Variants in STARD8 observed in about 807,000 individuals in gnomAD.
STARD8 encodes StAR related lipid transfer domain containing 8, also known as stAR-related lipid transfer protein 8.
A neutral mutation model predicts 69.4 loss-of-function variants in STARD8; 25 were observed. That is an observed-to-expected ratio of 0.36 (90% confidence interval 0.26 to 0.50). The LOEUF (loss-of-function observed/expected upper bound fraction) is 0.50, where lower values mean the gene tolerates loss of function less well. Among genes scored for constraint, STARD8 ranks in the 20% least tolerant of loss-of-function variants. The pLI is 0.96. For synonymous variants in STARD8, 389 were observed against 374.6 expected (o/e 1.04, Z -0.45); for missense variants, 921 against 932.5 (o/e 0.99, Z 0.16).
intron 2 of STARD8, among the ~76,000 whole-genome samples, chrX:68,686,385 C>A (rs1014475453): frequency 1.8e-5 from 2 of 112,914 alleles, no homozygotes; most frequent in African/African-American, 6.4e-5. Flanking sequence ...CACTCCGGCT[C>A]GCCAGCTCGC....
chrX:68,652,014 A>ATT (rs376303482), intron 1 of STARD8, among the ~76,000 whole-genome samples: 9 of 97,874 alleles, frequency 9.2e-5, no homozygotes, highest in African/African-American at 1.5e-4. Context: ...CGCCCAGCTA[A>ATT]TTTTTTTTTT....
chrX:68,657,999 G>A (rs988705052), intron 1 of STARD8, among the ~76,000 whole-genome samples: 5 of 110,790 alleles, frequency 4.5e-5, no homozygotes, highest in Non-Finnish European at 7.5e-5. Context: ...TACTTCCTAT[G>A]GCTATGGTGG....
chrX:68,723,597 GC>G, intron 12 of STARD8, 28 bp from the exon 13 acceptor site: 1 of 1,141,461 alleles, frequency 8.8e-7, no homozygotes. Context: ...CCTGACAGCT[GC>G]CCCCATCCCC....
intron 2 of STARD8, among the ~76,000 whole-genome samples, chrX:68,694,921 G>A (rs761710194): frequency 1.8e-5 from 2 of 110,883 alleles, no homozygotes; most frequent in Admixed American, 9.6e-5. Context: ...CAGAGATTGG[G>A]CTGGCTTGGA....
intron 2 of STARD8, among the ~76,000 whole-genome samples, chrX:68,668,278 T>TTCTTTCTTTCTTTCTTTC (rs2079704997): frequency 8.4e-5 from 5 of 59,720 alleles, no homozygotes; most frequent in East Asian, 4.4e-4. Context: ...TTCTTTCTCT[T>TTCTTTCTTTCTTTCTTTC]TCTTTCTTTC....
At chrX:68,724,245 C>G in intron 14 of STARD8, 60 bp from the exon 15 acceptor site, 1 of 1,183,212 alleles carries the variant, frequency 8.5e-7, no homozygotes, top group Non-Finnish European at 1.1e-6. Flanking sequence ...CTTCCTTCTC[C>G]CTGGTGAGGG....
intron 2 of STARD8, among the ~76,000 whole-genome samples, chrX:68,700,073 A>T (rs150319737): frequency 0.024 from 2,720 of 111,146 alleles, 86 homozygotes; most frequent in African/African-American, 0.084. Flanking sequence ...GGGTGGAGGG[A>T]AGGGGATATT....
At chrX:68,699,030 G>A (rs1298776487) in intron 2 of STARD8, among the ~76,000 whole-genome samples, 2 of 112,040 alleles carry the variant, frequency 1.8e-5, no homozygotes, top group African/African-American at 6.5e-5. Flanking sequence ...TTGTGCTTGG[G>A]CATTTCTGCA....
chrX:68,723,013 C>T (rs180765570), intron 12 of STARD8, among the ~76,000 whole-genome samples: 53 of 112,525 alleles, frequency 4.7e-4, no homozygotes, highest in Admixed American at 1.6e-3. Flanking sequence ...CCAAGCATTA[C>T]GTCTCCCGAG....
At chrX:68,679,877 T>TAA (rs2079790457) in intron 2 of STARD8, among the ~76,000 whole-genome samples, 1 of 111,942 alleles carries the variant, frequency 8.9e-6, no homozygotes, top group Non-Finnish European at 1.9e-5. Flanking sequence ...CCTCCAGGGT[T>TAA]CTGGGATGGC....
chrX:68,692,823 A>G (rs373094302), intron 2 of STARD8, among the ~76,000 whole-genome samples: 4 of 109,651 alleles, frequency 3.6e-5, no homozygotes, highest in African/African-American at 1.4e-4. Flanking sequence ...AGTCATGCTT[A>G]AAGTCTGCTC....
intron 14 of STARD8, 34 bp downstream of exon 14, chrX:68,724,155 T>C: frequency 8.4e-7 from 1 of 1,197,500 alleles, no homozygotes; most frequent in Non-Finnish European, 1.1e-6. Flanking sequence ...TCGACCCCCT[T>C]GGCCTTGACC....
intron 2 of STARD8, among the ~76,000 whole-genome samples, chrX:68,681,745 G>A (rs1045514404): frequency 1.8e-5 from 2 of 111,637 alleles, no homozygotes; most frequent in Admixed American, 9.5e-5. Flanking sequence ...ATGCCTCATC[G>A]GCCCAATGGC....
chrX:68,695,445 C>T (rs1182881320), intron 2 of STARD8, among the ~76,000 whole-genome samples: 2 of 111,403 alleles, frequency 1.8e-5, no homozygotes, highest in Non-Finnish European at 3.8e-5. Flanking sequence ...ATATTTAGTG[C>T]TAGGAAACAC....
At chrX:68,680,637 G>C (rs184763733) in intron 2 of STARD8, among the ~76,000 whole-genome samples, 3 of 112,123 alleles carry the variant, frequency 2.7e-5, no homozygotes, top group Non-Finnish European at 3.8e-5. Flanking sequence ...ATGTGTTACT[G>C]TGTGTTGGTG....
At chrX:68,715,617 A>G (rs2080085756) in intron 4 of STARD8, among the ~76,000 whole-genome samples, 1 of 112,027 alleles carries the variant, frequency 8.9e-6, no homozygotes, top group Non-Finnish European at 1.9e-5. Flanking sequence ...ATAGCCCCCA[A>G]ATATTCCTCT....
At position 68,654,752 on chromosome X, in the gene STARD8, C is replaced by A. The variant is rs146924083; in HGVS notation, c.45+6825C>A. On this transcript the variant is annotated intron_variant, in intron 1 of 14. Coordinates refer to ENST00000374599, the MANE Select transcript of STARD8 (RefSeq NM_001142503.3). ...ATTCATGCACACACACACACACACT[C>A]GCAAGTGAGGTGAGCATGCATCCTC... 7.0e-4 allele frequency among the ~76,000 whole-genome samples: 78 copies of A among 111,702 alleles called. 2 individuals carry two copies. The highest frequency in any genetic ancestry group is 6.0e-3 in the South Asian group (16 of 2,654).
chrX:68,710,271 A>G (rs1434135431), intron 2 of STARD8, among the ~76,000 whole-genome samples: 1 of 112,580 alleles, frequency 8.9e-6, no homozygotes, highest in African/African-American at 3.2e-5. Context: ...CAATTAAGCC[A>G]GCCTTCTGGG....
chrX:68,667,280 C>A (rs1297807329), intron 2 of STARD8, among the ~76,000 whole-genome samples: 1 of 111,834 alleles, frequency 8.9e-6, no homozygotes, highest in Non-Finnish European at 1.9e-5. Context: ...GGATTTTAGC[C>A]CAAATTTCAT....
Sources: allele counts gnomAD v4.1 joint callset (sites outside exome capture counted in the v4.1 genomes callset), GRCh38; gene constraint gnomAD v4.1.1; transcripts MANE v1.5; gene names NCBI Gene and HGNC (gene_info 2026-07-23, HGNC 2026-07-21).